The following ADGRV1 variants were observed in gnomAD, a reference collection of about 807,000 sequenced individuals.
The protein encoded by ADGRV1 is G-protein coupled receptor 98.
In ADGRV1, 359 loss-of-function variants were observed where a neutral mutation model predicts 596.2. The observed-to-expected ratio is 0.60, with a 90% CI of 0.55 to 0.66. The LOEUF is 0.66. Ranked by LOEUF, ADGRV1 falls within the 30% of genes least tolerant of loss-of-function variation. The probability of loss-of-function intolerance (pLI) is 0.00; values close to 1 mark genes in which losing one functional copy is unlikely to be tolerated. For missense variants in ADGRV1, 7,274 were observed against 7,575.6 expected (o/e 0.96, Z 1.48); for synonymous variants, 2,681 against 2,679.2 (o/e 1.00, Z -0.02).
chr5:90,930,681 C>T (rs1045071814), intron 83 of ADGRV1, among the ~76,000 whole-genome samples: 5 of 152,080 alleles, frequency 3.3e-5, no homozygotes, highest in Non-Finnish European at 1.5e-5. Flanking sequence ...AAACTATAAT[C>T]CTCCTTTGCT....
intron 86 of ADGRV1, among the ~76,000 whole-genome samples, chr5:91,084,338 G>A (rs1200797418): frequency 1.3e-5 from 2 of 152,046 alleles, no homozygotes; most frequent in Admixed American, 6.6e-5. Flanking sequence ...ATCTGACAAA[G>A]AGCTAATATC....
At chr5:91,154,989 T>C (rs1796358048) in intron 89 of ADGRV1, among the ~76,000 whole-genome samples, 1 of 152,174 alleles carries the variant, frequency 6.6e-6, no homozygotes, top group African/African-American at 2.4e-5. Flanking sequence ...AGATGAGATT[T>C]TGGGTGGGGA....
At chr5:90,804,284 C>T (rs566320824) in intron 71 of ADGRV1, among the ~76,000 whole-genome samples, 13 of 152,158 alleles carry the variant, frequency 8.5e-5, no homozygotes, top group Admixed American at 1.3e-4. Context: ...TGCCTGCAGT[C>T]CCAGCTATTG....
chr5:90,717,083 A>G (rs903835711), intron 43 of ADGRV1: 1 of 156,368 alleles, frequency 6.4e-6, no homozygotes, highest in Non-Finnish European at 1.4e-5. Flanking sequence ...ATTAAGTCCC[A>G]GCCAATCATT....
Position 90,721,076 on chromosome 5 carries a change from A to T in ADGRV1, c.9748+17A>T. ...TTGGCATGAGTATGTTTCATTTCTT[A>T]TGAGAACAAAATTCTGTAACGAAAA... On this transcript the variant is annotated intron_variant, in intron 45 of 89. Transcript: ENST00000405460. 6.2e-7 allele frequency: 1 copy of T among 1,604,664 alleles called. No homozygotes were observed. Among genetic ancestry groups the T allele is most frequent in the Non-Finnish European group, 8.5e-7 (1 of 1,175,442 alleles).
chr5:90,849,766 C>G (rs1275279909), intron 79 of ADGRV1, among the ~76,000 whole-genome samples: 1 of 152,078 alleles, frequency 6.6e-6, no homozygotes, highest in African/African-American at 2.4e-5. Flanking sequence ...GTTATAAGAA[C>G]AAGGAATAAA....
At chr5:90,866,912 CTT>C (rs1165902562) in intron 83 of ADGRV1, among the ~76,000 whole-genome samples, 1 of 152,004 alleles carries the variant, frequency 6.6e-6, no homozygotes, top group Non-Finnish European at 1.5e-5. Context: ...TTTTTTCTCA[CTT>C]ATATAAATGA....
intron 28 of ADGRV1, 145 bp from the exon 29 acceptor site, chr5:90,685,632 AAAT>A (rs1190153488): frequency 5.1e-5 from 12 of 235,676 alleles, no homozygotes; most frequent in African/African-American, 2.7e-4. Flanking sequence ...ATAAATAAAT[AAAT>A]AAATAAAATA....
intron 85 of ADGRV1, among the ~76,000 whole-genome samples, chr5:90,995,755 A>G (rs1363859442): frequency 6.6e-6 from 1 of 152,180 alleles, no homozygotes; most frequent in Admixed American, 6.5e-5. Flanking sequence ...GATATAGACA[A>G]TGAAGTCCAG....
rs558356967 is a variant in ADGRV1 at position 90,636,452 on chromosome 5, C to T, written c.2016+1162C>T. 2.6e-5 allele frequency among the ~76,000 whole-genome samples: 4 copies of T among 152,158 alleles called. No homozygotes were observed. The South Asian group carries it at 8.3e-4, about 32-fold the overall frequency. On this transcript the variant is annotated intron_variant, in intron 10 of 89. Coordinates refer to ENST00000405460, the MANE Select transcript of ADGRV1 (RefSeq NM_032119.4). Reference sequence around the variant, plus strand: ...TTGATTTTTCATATTTTTCTGAATACACTCTTTTCTTCTTAAAACGGAAAA... The same window carrying T: ...TTGATTTTTCATATTTTTCTGAATATACTCTTTTCTTCTTAAAACGGAAAA...
intron 2 of ADGRV1, among the ~76,000 whole-genome samples, chr5:90,616,042 T>C (rs1215630980): frequency 6.6e-6 from 1 of 152,090 alleles, no homozygotes; most frequent in African/African-American, 2.4e-5. Flanking sequence ...GCTTTTCTGT[T>C]TGTTTCAGTG....
At chr5:90,998,853 A>C (rs1201449289) in intron 85 of ADGRV1, among the ~76,000 whole-genome samples, 3 of 152,172 alleles carry the variant, frequency 2.0e-5, no homozygotes, top group Non-Finnish European at 4.4e-5. Context: ...ACACATATAT[A>C]GTACCTTAAA....
rs1236671489 is a variant in ADGRV1, at chr5:90,738,890, A to AT, written c.10550-6150dup. ...ATTTTTAAAAATAATGATTCTTGGTATTTTTTCTTTCTCTTCTTTGGGAAC... is the reference window on the plus strand; with the variant it reads ...ATTTTTAAAAATAATGATTCTTGGTATTTTTTTCTTTCTCTTCTTTGGGAAC... On this transcript the variant is annotated intron_variant, in intron 50 of 89. Coordinates refer to ENST00000405460, the MANE Select transcript of ADGRV1 (RefSeq NM_032119.4). Among the ~76,000 whole-genome samples, 7 of 151,750 alleles carry AT rather than the reference A, an allele frequency of 4.6e-5. No homozygotes were observed. In the East Asian group the frequency reaches 5.8e-4, roughly 13 times the overall value.
chr5:90,879,490 A>G (rs949679877), intron 83 of ADGRV1, among the ~76,000 whole-genome samples: 4 of 152,186 alleles, frequency 2.6e-5, no homozygotes, highest in African/African-American at 7.2e-5. Flanking sequence ...TTTGTGATAT[A>G]ATTTTGATTA....
intron 83 of ADGRV1, among the ~76,000 whole-genome samples, chr5:90,895,526 T>C (rs528993150): frequency 6.6e-6 from 1 of 152,304 alleles, no homozygotes; most frequent in East Asian, 1.9e-4. Context: ...GCTGGAATTT[T>C]AACAAGATGG....
intron 86 of ADGRV1, among the ~76,000 whole-genome samples, chr5:91,088,789 T>C (rs1790120018): frequency 6.6e-6 from 1 of 151,866 alleles, no homozygotes; most frequent in Non-Finnish European, 1.5e-5. Context: ...AGAAAAAAAA[T>C]CCTAGAATTA....
chr5:91,041,841 C>T (rs1463889923), intron 85 of ADGRV1, among the ~76,000 whole-genome samples: 1 of 152,010 alleles, frequency 6.6e-6, no homozygotes, highest in Non-Finnish European at 1.5e-5. Context: ...AATTGGTTGG[C>T]CATTTTCATG....
chr5:90,791,473 G>A (rs1347915485), intron 70 of ADGRV1, 127 bp downstream of exon 70: 13 of 668,906 alleles, frequency 1.9e-5, no homozygotes, highest in Admixed American at 5.9e-5. Context: ...AAATGCCCTC[G>A]AAAATGTTTA....
At chr5:90,953,109 C>G (rs1301285115) in intron 83 of ADGRV1, among the ~76,000 whole-genome samples, 1 of 152,060 alleles carries the variant, frequency 6.6e-6, no homozygotes, top group Non-Finnish European at 1.5e-5. Context: ...AATTGCATCT[C>G]CATTAATTCA....
Sources: allele counts gnomAD v4.1 joint callset (sites outside exome capture counted in the v4.1 genomes callset), GRCh38; gene constraint gnomAD v4.1.1; transcripts MANE v1.5; gene names NCBI Gene and HGNC (gene_info 2026-07-23, HGNC 2026-07-21).